ARB2A: variants seen among roughly 807,000 people sequenced by gnomAD.
ARB2A encodes cotranscriptional regulator ARB2A.
At chr5:93,948,214 T>A in the ARB2A span, among the ~76,000 whole-genome samples, 2 of 152,236 alleles carry the variant, frequency 1.3e-5, no homozygotes, top group South Asian at 2.1e-4. Context: ...TCTAACTGGT[T>A]TGAGATGGTA....
At chr5:94,008,113 T>G in the ARB2A span, among the ~76,000 whole-genome samples, 1 of 152,170 alleles carries the variant, frequency 6.6e-6, no homozygotes, top group African/African-American at 2.4e-5. Flanking sequence ...GTAAGCTAAG[T>G]CTGGCCAGAA....
chr5:93,888,430 C>T, the ARB2A span, among the ~76,000 whole-genome samples: 4 of 151,710 alleles, frequency 2.6e-5, no homozygotes, highest in African/African-American at 9.7e-5. Context: ...GAAAAGATAC[C>T]TCTTTATTAC....
At chr5:94,062,901 A>G in the ARB2A span, among the ~76,000 whole-genome samples, 25 of 152,216 alleles carry the variant, frequency 1.6e-4, no homozygotes, top group Non-Finnish European at 3.2e-4. Flanking sequence ...AAACCATGGC[A>G]CATTTTCACA....
At chr5:93,665,071 C>T in the ARB2A span, among the ~76,000 whole-genome samples, 1 of 152,174 alleles carries the variant, frequency 6.6e-6, no homozygotes, top group Non-Finnish European at 1.5e-5. Context: ...AAGTAACCTG[C>T]CTGTCTTGGC....
chr5:93,861,468 T>C, the ARB2A span: 2 of 152,236 alleles, frequency 1.3e-5, no homozygotes, highest in African/African-American at 4.8e-5. Context: ...TCTAGCATAG[T>C]CCTTTATCAT....
the ARB2A span, among the ~76,000 whole-genome samples, chr5:93,659,851 TC>T: frequency 2.6e-4 from 40 of 152,256 alleles, no homozygotes; most frequent in African/African-American, 9.6e-4. Context: ...TATTCTTGCT[TC>T]CGCAGTACTA....
chr5:93,672,554 C>T, the ARB2A span, among the ~76,000 whole-genome samples: 24 of 151,994 alleles, frequency 1.6e-4, no homozygotes, highest in African/African-American at 4.6e-4. Context: ...GTGATCCACC[C>T]GCCTCAGCCT....
the ARB2A span, among the ~76,000 whole-genome samples, chr5:93,911,695 G>A: frequency 6.6e-6 from 1 of 150,742 alleles, no homozygotes; most frequent in African/African-American, 2.4e-5. Flanking sequence ...CTCCTACAAT[G>A]TTCTTTTTAA....
the ARB2A span, among the ~76,000 whole-genome samples, chr5:93,750,985 T>C: frequency 6.6e-6 from 1 of 152,332 alleles, no homozygotes; most frequent in Non-Finnish European, 1.5e-5. Context: ...ATGTTTACAT[T>C]ACTTTCTTAA....
chr5:93,957,868 A>C, the ARB2A span, among the ~76,000 whole-genome samples: 5 of 151,946 alleles, frequency 3.3e-5, no homozygotes, highest in African/African-American at 4.8e-5. Context: ...AAAACAAATA[A>C]AGCCTACATG....
At chr5:93,801,491 C>A in the ARB2A span, among the ~76,000 whole-genome samples, 1 of 151,950 alleles carries the variant, frequency 6.6e-6, no homozygotes, top group East Asian at 1.9e-4. Flanking sequence ...TAACCACAGA[C>A]AATAAAAGCT....
the ARB2A span, among the ~76,000 whole-genome samples, chr5:93,628,212 G>A: frequency 4.6e-4 from 70 of 151,750 alleles, no homozygotes; most frequent in African/African-American, 1.5e-3. Context: ...CACCACGCCC[G>A]GCTAATTTTT....
chr5:93,923,655 A>T, the ARB2A span, among the ~76,000 whole-genome samples: 1 of 152,102 alleles, frequency 6.6e-6, no homozygotes, highest in South Asian at 2.1e-4. Flanking sequence ...ACTACAAATT[A>T]AAAAATCAGC....
At chr5:93,985,924 G>C in the ARB2A span, among the ~76,000 whole-genome samples, 11 of 149,142 alleles carry the variant, frequency 7.4e-5, no homozygotes, top group African/African-American at 2.7e-4. Flanking sequence ...CGGCCACCCA[G>C]TCTGGGAAGT....
At chr5:93,643,325 A>G in the ARB2A span, among the ~76,000 whole-genome samples, 2 of 152,118 alleles carry the variant, frequency 1.3e-5, no homozygotes, top group African/African-American at 4.8e-5. Context: ...GGGGGAAGGA[A>G]GGGCCAAGAT....
At chr5:94,065,617 T>C in the ARB2A span, among the ~76,000 whole-genome samples, 1 of 152,022 alleles carries the variant, frequency 6.6e-6, no homozygotes, top group South Asian at 2.1e-4. Flanking sequence ...TCAAAAGCAG[T>C]AAAAAGAGAC....
At chr5:93,712,472 G>T in the ARB2A span, among the ~76,000 whole-genome samples, 5 of 152,096 alleles carry the variant, frequency 3.3e-5, no homozygotes, top group African/African-American at 9.6e-5. Context: ...GGCAAGAAAA[G>T]AACTTAATGG....
chr5:93,758,376 C>T, the ARB2A span, among the ~76,000 whole-genome samples: 1 of 152,132 alleles, frequency 6.6e-6, no homozygotes, highest in African/African-American at 2.4e-5. Flanking sequence ...TGGATTTAAA[C>T]TATACCTTGG....
the ARB2A span, among the ~76,000 whole-genome samples, chr5:94,054,861 T>A: frequency 6.6e-6 from 1 of 152,242 alleles, no homozygotes; most frequent in Non-Finnish European, 1.5e-5. Flanking sequence ...TATAATCCAA[T>A]ACTACATCAT....
Sources: allele counts gnomAD v4.1 joint callset (sites outside exome capture counted in the v4.1 genomes callset), GRCh38; gene constraint gnomAD v4.1.1; transcripts MANE v1.5; gene names NCBI Gene and HGNC (gene_info 2026-07-23, HGNC 2026-07-21).